Variants in AOPEP observed in about 807,000 individuals in gnomAD.
The protein encoded by AOPEP is aminopeptidase O.
AOPEP carries 77 observed loss-of-function variants against 98.1 expected under a neutral mutation model. That is an observed-to-expected ratio of 0.78 (90% CI 0.65 to 0.95). The LOEUF is 0.95. Ranked by LOEUF, AOPEP falls within the 40% of genes least tolerant of loss-of-function variation. The pLI is 0.00. For synonymous variants in AOPEP, 346 were observed against 365.3 expected, an observed-to-expected ratio of 0.95 and a Z score of 0.60; for missense variants, 1,024 against 1,024.7, an observed-to-expected ratio of 1.00 and a Z score of 0.01.
chr9:94,842,495 G>C (rs1259655804), intron 5 of AOPEP, among the ~76,000 whole-genome samples: 4 of 152,098 alleles, frequency 2.6e-5, no homozygotes, highest in Non-Finnish European at 4.4e-5. Flanking sequence ...CTATGTTATA[G>C]TTGTCTTATA....
chr9:94,785,422 A>C (rs1054972341), intron 3 of AOPEP, among the ~76,000 whole-genome samples: 2 of 152,208 alleles, frequency 1.3e-5, no homozygotes, highest in Admixed American at 1.3e-4. Flanking sequence ...CTTACTAGTG[A>C]GACAACTGAA....
chr9:95,123,592 G>A, the AOPEP span: 23 of 587,156 alleles, frequency 3.9e-5, no homozygotes, highest in Admixed American at 3.4e-4. Flanking sequence ...TTTGCGACAC[G>A]AACTGTGCCC....
chr9:94,839,993 C>T (rs894263121), intron 5 of AOPEP, among the ~76,000 whole-genome samples: 3 of 152,144 alleles, frequency 2.0e-5, no homozygotes, highest in Non-Finnish European at 4.4e-5. Flanking sequence ...ATCTTGAACT[C>T]CTGGGCTTAA....
chr9:94,933,399 CT>C (rs573027057), intron 7 of AOPEP: 500 of 985,404 alleles, frequency 5.1e-4, no homozygotes, highest in Middle Eastern at 4.7e-3. Context: ...TATGACTTCT[CT>C]TTTTTTCTGG....
chr9:95,030,761 G>A (rs1357173832), intron 13 of AOPEP, among the ~76,000 whole-genome samples: 1 of 152,152 alleles, frequency 6.6e-6, no homozygotes, highest in African/African-American at 2.4e-5. Flanking sequence ...CATGACTTGT[G>A]TGTTTAGTTT....
intron 14 of AOPEP, among the ~76,000 whole-genome samples, chr9:95,070,757 G>T (rs1164417310): frequency 6.6e-6 from 1 of 152,262 alleles, no homozygotes; most frequent in African/African-American, 2.4e-5. Flanking sequence ...AAGGCTGCAA[G>T]CCCAACTCTG....
chr9:94,764,273 G>A (rs1277682883), intron 2 of AOPEP, among the ~76,000 whole-genome samples: 1 of 152,206 alleles, frequency 6.6e-6, no homozygotes, highest in Non-Finnish European at 1.5e-5. Flanking sequence ...CAGCACTTCT[G>A]AAAACGAATA....
chr9:95,118,843 G>A, the AOPEP span, among the ~76,000 whole-genome samples: 4 of 152,206 alleles, frequency 2.6e-5, no homozygotes, highest in Non-Finnish European at 5.9e-5. Context: ...GCTGCTTCCA[G>A]TTTGGGGCTG....
chr9:95,080,710 G>A lies in AOPEP; in HGVS notation c.2249G>A (p.Cys750Tyr). The A allele has an allele frequency of 1.2e-6, 2 of 1,613,796 alleles. No individual in the cohort carries two copies. Among genetic ancestry groups the A allele is most frequent in the Non-Finnish European group, 8.5e-7 (1 of 1,179,956 alleles). Residue 750 changes from cysteine (C) to tyrosine (Y), a missense_variant, in exon 15 of 17, where the codon TGT (cysteine) becomes TAT (tyrosine). Cys to Tyr is a radical substitution (Grantham distance 194). Transcript: ENST00000375315. ...DQDAEVRHRW[C>Y]ELIVKHKFTK... is the part of the protein sequence containing the mutation. The stretch of plus-strand genomic sequence containing the variant: ...TTCCTCCAGGTTCGCCATCGGTGGT[G>A]TGAACTCATTGTTAAGCACAAGTTC...
At chr9:94,820,751 C>T (rs111673022) in intron 5 of AOPEP, among the ~76,000 whole-genome samples, 2 of 152,194 alleles carry the variant, frequency 1.3e-5, no homozygotes, top group East Asian at 3.8e-4. Context: ...GAACCACATG[C>T]AATTTCTGTT....
chr9:95,010,049 G>A (rs1300395468), intron 13 of AOPEP, among the ~76,000 whole-genome samples: 1 of 151,942 alleles, frequency 6.6e-6, no homozygotes, highest in Non-Finnish European at 1.5e-5. Context: ...ACCAAAATCA[G>A]TGATAATCTT....
intron 7 of AOPEP, among the ~76,000 whole-genome samples, chr9:94,935,831 T>C (rs1219996417): frequency 6.6e-6 from 1 of 152,182 alleles, no homozygotes; most frequent in Admixed American, 6.5e-5. Context: ...ACATCTCTCC[T>C]GGTTACCCCA....
At chr9:94,736,429 C>A (rs1831793767) in intron 1 of AOPEP, among the ~76,000 whole-genome samples, 1 of 152,144 alleles carries the variant, frequency 6.6e-6, no homozygotes, top group Non-Finnish European at 1.5e-5. Flanking sequence ...GGAACTCTTA[C>A]TGAAAAAGCT....
At chr9:95,038,018 A>G (rs1267128226) in intron 13 of AOPEP, among the ~76,000 whole-genome samples, 1 of 152,244 alleles carries the variant, frequency 6.6e-6, no homozygotes, top group South Asian at 2.1e-4. Context: ...GAAACCTTCC[A>G]TCCAGCTGTC....
chr9:95,020,524 A>G (rs1434070731), intron 13 of AOPEP, among the ~76,000 whole-genome samples: 1 of 151,912 alleles, frequency 6.6e-6, no homozygotes, highest in Non-Finnish European at 1.5e-5. Context: ...TGTGCTTTTC[A>G]TGTTACATTA....
chr9:95,081,039 T>C (rs916674003), intron 15 of AOPEP: 2 of 503,428 alleles, frequency 4.0e-6, no homozygotes, highest in Non-Finnish European at 7.1e-6. Context: ...TGCTCACACT[T>C]CACGGCATCT....
At chr9:94,833,493 T>C (rs2041177239) in intron 5 of AOPEP, among the ~76,000 whole-genome samples, 1 of 152,068 alleles carries the variant, frequency 6.6e-6, no homozygotes, top group Non-Finnish European at 1.5e-5. Flanking sequence ...CGCCTTAGCC[T>C]CCCAAAGTGC....
At chr9:94,765,439 AAATAAT>A (rs370305424) in intron 2 of AOPEP, among the ~76,000 whole-genome samples, 95 of 123,824 alleles carry the variant, frequency 7.7e-4, no homozygotes, top group Admixed American at 1.7e-3. Flanking sequence ...TTCTCTACAA[AAATAAT>A]AATAATAATA....
chr9:94,831,387 T>C (rs1390520522), intron 5 of AOPEP, among the ~76,000 whole-genome samples: 4 of 152,034 alleles, frequency 2.6e-5, no homozygotes, highest in Non-Finnish European at 5.9e-5. Context: ...TATTTCCGAG[T>C]TATCTGTTCT....
Sources: allele counts gnomAD v4.1 joint callset (sites outside exome capture counted in the v4.1 genomes callset), GRCh38; gene constraint gnomAD v4.1.1; transcripts MANE v1.5; gene names NCBI Gene and HGNC (gene_info 2026-07-23, HGNC 2026-07-21).